CLTB: variants seen among roughly 807,000 people sequenced by gnomAD.
The protein encoded by CLTB is clathrin, light chain (Lcb).
In CLTB, 10 loss-of-function variants were observed where a neutral mutation model predicts 30.5. The ratio of observed to expected loss-of-function variants is 0.33; its 90% CI spans 0.20 to 0.56. CLTB has a LOEUF of 0.56. Among genes scored for constraint, CLTB ranks in the 20% least tolerant of loss-of-function variants. The pLI is 0.91. For missense variants in CLTB, 261 were observed against 308.3 expected, an observed-to-expected ratio of 0.85 and a Z score of 1.15; for synonymous variants, 102 against 120.3, an observed-to-expected ratio of 0.85 and a Z score of 1.00.
intron 2 of CLTB, 79 bp from the exon 3 acceptor site, chr5:176,398,126 T>C: frequency 7.6e-7 from 1 of 1,318,330 alleles, no homozygotes; most frequent in South Asian, 1.2e-5. Context: ...GGGGACCCAC[T>C]CATGTCTGGA....
chr5:176,415,354 T>G (rs1249936250), intron 1 of CLTB, among the ~76,000 whole-genome samples: 1 of 152,016 alleles, frequency 6.6e-6, no homozygotes, highest in African/African-American at 2.4e-5. Context: ...GGCAGTGTGG[T>G]CAGGTGGAGA....
chr5:176,401,645 TG>T, intron 2 of CLTB: 1 of 442,564 alleles, frequency 2.3e-6, no homozygotes, highest in Non-Finnish European at 4.6e-6. Flanking sequence ...GAAAGGGCAG[TG>T]GGGGCTGCCT....
intron 2 of CLTB, 24 bp from the exon 3 acceptor site, chr5:176,398,071 C>T: frequency 6.2e-7 from 1 of 1,605,990 alleles, no homozygotes; most frequent in Non-Finnish European, 8.5e-7. Context: ...ACGCAGCAGT[C>T]TATCCAGCCA....
chr5:176,411,371 A>T (rs1434698711), intron 1 of CLTB, among the ~76,000 whole-genome samples: 3 of 152,058 alleles, frequency 2.0e-5, no homozygotes, highest in Admixed American at 2.0e-4. Flanking sequence ...CTTCCCATGG[A>T]CCACAGTGGC....
chr5:176,399,490 C>T (rs1448575923), intron 2 of CLTB, among the ~76,000 whole-genome samples: 6 of 152,174 alleles, frequency 3.9e-5, no homozygotes, highest in African/African-American at 1.4e-4. Flanking sequence ...GCCTATAATC[C>T]CAGCACTTCG....
intron 2 of CLTB, 117 bp from the exon 3 acceptor site, chr5:176,398,164 C>A: frequency 1.2e-6 from 1 of 839,508 alleles, no homozygotes. Flanking sequence ...ACCTCATACC[C>A]ACTGTCTCTG....
At chr5:176,407,935 C>G (rs1377723066) in intron 2 of CLTB, among the ~76,000 whole-genome samples, 1 of 152,180 alleles carries the variant, frequency 6.6e-6, no homozygotes, top group African/African-American at 2.4e-5. Flanking sequence ...TTTACTCCCC[C>G]AGAGGATTCA....
In CLTB at chr5:176,395,906, G is replaced by T. The variant is rs995230031; in HGVS notation, c.518+573C>A. On this transcript the variant is annotated intron_variant, in intron 5 of 5. Coordinates refer to ENST00000310418, the MANE Select transcript of CLTB (RefSeq NM_007097.5). The stretch of plus-strand genomic sequence containing the variant: ...TCCCAGCACTTTGGGAGGCCGAGGT[G>T]GGTGGATCACCTGAGGTCAGGAGTT... Among the ~76,000 whole-genome samples, 4 of 152,290 alleles carry T rather than the reference G, an allele frequency of 2.6e-5. No individual in the cohort carries two copies. The East Asian group carries it at 7.7e-4, about 29-fold the overall frequency.
intron 5 of CLTB, among the ~76,000 whole-genome samples, chr5:176,395,367 G>A (rs1369536260): frequency 2.0e-5 from 3 of 152,338 alleles, no homozygotes; most frequent in African/African-American, 7.2e-5. Context: ...CATGAGCACG[G>A]TGAGGGGGGC....
rs201119711 is a variant in CLTB, at chr5:176,397,512, TC to T, written c.464+94del. 1,122 of 189,132 alleles carry T rather than the reference TC, an allele frequency of 5.9e-3. 30 individuals are homozygous for T. Among genetic ancestry groups the T allele is most frequent in the Non-Finnish European group, 6.7e-3 (787 of 117,320 alleles). 11.7% of individuals were successfully genotyped at this position (189,132 alleles called of 1,614,324 possible). A position where few individuals can be genotyped will look rare whatever the true frequency, so the allele number is the denominator to read the frequency against. The stretch of plus-strand genomic sequence containing the variant: ...TCCCTCATGTCCCCACCCCTTCATG[TC>T]CCCATGGCCCCCTCATGTCCCCACG... On this transcript the variant is annotated intron_variant, in intron 4 of 5. Coordinates refer to ENST00000310418, the MANE Select transcript of CLTB (RefSeq NM_007097.5).
intron 4 of CLTB, 114 bp downstream of exon 4, chr5:176,397,493 A>G: frequency 8.2e-6 from 1 of 121,866 alleles, no homozygotes; most frequent in Non-Finnish European, 1.3e-5. Context: ...CAGCTCCCTC[A>G]TGTCCCCACC....
At chr5:176,396,001 T>A (rs111255225) in intron 5 of CLTB, among the ~76,000 whole-genome samples, 2 of 152,018 alleles carry the variant, frequency 1.3e-5, no homozygotes, top group Non-Finnish European at 2.9e-5. Flanking sequence ...CGGGCACGGT[T>A]GCATGTGCCT....
At position 176,410,696 on chromosome 5, in the gene CLTB, T is replaced by C. The variant is rs1460040183; in HGVS notation, c.188-393A>G. On this transcript the variant is annotated intron_variant, in intron 1 of 5. Coordinates refer to ENST00000310418, the MANE Select transcript of CLTB (RefSeq NM_007097.5). ...ACCTGTGAAGCCTGTGCCTGGTGAG[T>C]AGGCTGAGCTGCTGTAAGCTCAGGG... 2.0e-5 allele frequency among the ~76,000 whole-genome samples: 3 copies of C among 151,412 alleles called. 1 individual carries two copies. In the East Asian group the frequency reaches 5.8e-4, roughly 29 times the overall value.
intron 1 of CLTB, among the ~76,000 whole-genome samples, chr5:176,412,365 C>A (rs929501459): frequency 6.6e-6 from 1 of 152,076 alleles, no homozygotes; most frequent in Admixed American, 6.6e-5. Context: ...TTACTCATGA[C>A]CCCCAGGGTC....
At chr5:176,397,405 C>T (rs1194199278) in intron 4 of CLTB, among the ~76,000 whole-genome samples, 1 of 144,220 alleles carries the variant, frequency 6.9e-6, no homozygotes, top group Admixed American at 6.9e-5. Flanking sequence ...CATGTCCCCA[C>T]AGCCCCTCTC....
Position 176,416,399 on chromosome 5 carries a change from C to A in CLTB, c.-36G>T. 6.5e-7 allele frequency: 1 copy of A among 1,549,588 alleles called. No homozygotes were observed. The highest frequency in any genetic ancestry group is 1.2e-5 in the South Asian group (1 of 84,172). ...CCTCCGCCGGAGCCTCCGCTGCGCT[C>A]GGCTCTGCCCGCGCCTGCCCCGCGC... On this transcript the variant is annotated 5_prime_UTR_variant, in exon 1 of 6. Coordinates refer to ENST00000310418, the MANE Select transcript of CLTB (RefSeq NM_007097.5).
chr5:176,403,547 C>T lies in CLTB; in HGVS notation c.235-5500G>A, dbSNP rs191523497. Among the ~76,000 whole-genome samples, 17 of 151,716 alleles carry T rather than the reference C, an allele frequency of 1.1e-4. No individual in the cohort carries two copies. The East Asian group carries it at 1.9e-3, about 17-fold the overall frequency. On this transcript the variant is annotated intron_variant, in intron 2 of 5. Coordinates refer to ENST00000310418, the MANE Select transcript of CLTB (RefSeq NM_007097.5). ...TCGGCCCACTGCAACCTCCGCCTCCCGGGTTCAAGCAATTCTCCTCCTCAG... is the reference window on the plus strand; with the variant it reads ...TCGGCCCACTGCAACCTCCGCCTCCTGGGTTCAAGCAATTCTCCTCCTCAG...
intron 2 of CLTB, among the ~76,000 whole-genome samples, chr5:176,404,375 G>A (rs192949725): frequency 2.2e-4 from 34 of 152,362 alleles, no homozygotes; most frequent in Middle Eastern, 3.4e-3. Flanking sequence ...AGAAGCGTCC[G>A]GGGCTGCAGA....
chr5:176,402,077 C>T (rs1756849489), intron 2 of CLTB, among the ~76,000 whole-genome samples: 1 of 152,090 alleles, frequency 6.6e-6, no homozygotes, highest in Non-Finnish European at 1.5e-5. Flanking sequence ...CTGAGGCAGG[C>T]AGATTGCCTG....
Sources: gnomAD v4.1 joint callset for allele counts (sites outside exome capture counted in the v4.1 genomes callset) on GRCh38, gnomAD v4.1.1 for gene constraint, MANE v1.5 for transcripts, NCBI Gene and HGNC (gene_info 2026-07-23, HGNC 2026-07-21) for gene names.